The following POLK variants were observed in gnomAD, a reference collection of about 807,000 sequenced individuals.
The protein encoded by POLK is polymerase (DNA directed) kappa.
A neutral mutation model predicts 94.0 loss-of-function variants in POLK; 76 were observed. The observed-to-expected ratio is 0.81, with a 90% confidence interval of 0.67 to 0.98. The LOEUF is 0.98. Among genes scored for constraint, POLK ranks in the 50% least tolerant of loss-of-function variants. The pLI is 0.00. For synonymous variants in POLK, 349 were observed against 325.4 expected (o/e 1.07, Z -0.78); for missense variants, 954 against 1,010.1 (o/e 0.94, Z 0.75).
At chr5:75,578,878 A>T (rs2112808369) in intron 6 of POLK, among the ~76,000 whole-genome samples, 1 of 152,346 alleles carries the variant, frequency 6.6e-6, no homozygotes, top group African/African-American at 2.4e-5. Context: ...GCCAGATAAT[A>T]TAAGAAACTG....
upstream of POLK, chr5:75,511,724 C>A (rs752204859): frequency 1.2e-5 from 19 of 1,548,242 alleles, no homozygotes; most frequent in South Asian, 8.4e-5. Flanking sequence ...TGACGCGACA[C>A]GCCGAGCCTT....
intron 1 of POLK, among the ~76,000 whole-genome samples, chr5:75,545,589 G>A (rs1452934688): frequency 1.3e-5 from 2 of 151,990 alleles, no homozygotes; most frequent in Admixed American, 1.3e-4. Context: ...AAACTATAAA[G>A]TATATAAAGA....
At chr5:75,533,975 A>T (rs1057003138) in intron 1 of POLK, among the ~76,000 whole-genome samples, 3 of 152,060 alleles carry the variant, frequency 2.0e-5, no homozygotes, top group African/African-American at 7.2e-5. Context: ...CACATCAAGG[A>T]GCTTTTGGAG....
chr5:75,515,260 A>T (rs577905120), intron 1 of POLK, among the ~76,000 whole-genome samples: 1 of 152,334 alleles, frequency 6.6e-6, no homozygotes, highest in South Asian at 2.1e-4. Context: ...TGGTCATTTT[A>T]TGAATAGTCC....
chr5:75,587,161 G>T, intron 10 of POLK, 103 bp downstream of exon 10: 1 of 705,818 alleles, frequency 1.4e-6, no homozygotes, highest in Admixed American at 3.0e-5. Flanking sequence ...AAATCTATTT[G>T]CAAATTACTA....
chr5:75,578,517 A>G (rs1451721715), intron 6 of POLK, among the ~76,000 whole-genome samples: 2 of 152,198 alleles, frequency 1.3e-5, no homozygotes, highest in Admixed American at 6.5e-5. Context: ...TGAATTTTTA[A>G]TATCTATTGC....
chr5:75,511,106 G>A, upstream of POLK: 1 of 1,553,168 alleles, frequency 6.4e-7, no homozygotes, highest in Non-Finnish European at 8.7e-7. Flanking sequence ...ACCAGGGGTT[G>A]CTCACCTTAC....
chr5:75,516,832 T>C (rs922849468), intron 1 of POLK, among the ~76,000 whole-genome samples: 2 of 152,226 alleles, frequency 1.3e-5, no homozygotes, highest in African/African-American at 2.4e-5. Context: ...GGAAGAAATA[T>C]CTGAGAGATA....
exon 12 of POLK, chr5:75,594,018 T>C (rs756396022): frequency 6.2e-7 from 1 of 1,612,048 alleles, no homozygotes; most frequent in East Asian, 2.2e-5. Flanking sequence ...TTGATGCTGA[T>C]TTTCCACATC....
chr5:75,555,639 C>A (rs748916580), intron 3 of POLK, among the ~76,000 whole-genome samples: 35 of 151,924 alleles, frequency 2.3e-4, no homozygotes, highest in Admixed American at 4.6e-4. Context: ...CAACCTCCAC[C>A]TCCCGGGTTC....
At chr5:75,556,620 A>G (rs1770634528) in intron 3 of POLK, among the ~76,000 whole-genome samples, 1 of 151,898 alleles carries the variant, frequency 6.6e-6, no homozygotes, top group Non-Finnish European at 1.5e-5. Flanking sequence ...CTCTTATGTT[A>G]TCTTCTAGGA....
chr5:75,581,141 G>A lies in POLK; in HGVS notation c.695-68G>A, dbSNP rs567595050. The A allele has an allele frequency of 4.3e-4, 483 of 1,121,806 alleles. 8 individuals are homozygous for A. The South Asian group carries it at 6.5e-3, about 15-fold the overall frequency. The allele number at this position is 1,121,806 out of a possible 1,614,324, so 69.5% of individuals were successfully genotyped here. A position where few individuals can be genotyped will look rare whatever the true frequency, so the allele number is the denominator to read the frequency against. On this transcript the variant is annotated intron_variant, in intron 6 of 14. Transcript: ENST00000241436. ...GTTTTTGTCTTCAGAAATAATGTAG[G>A]GAAACCTAACTTATGAAGTATATAC... is the stretch of plus-strand genomic sequence containing the variant.
chr5:75,556,020 A>G (rs546414170), intron 3 of POLK, among the ~76,000 whole-genome samples: 1 of 152,356 alleles, frequency 6.6e-6, no homozygotes, highest in African/African-American at 2.4e-5. Flanking sequence ...TTAGGTAAAT[A>G]CTAAGGAGCG....
chr5:75,547,560 G>A (rs965507668), intron 2 of POLK, among the ~76,000 whole-genome samples: 1 of 151,964 alleles, frequency 6.6e-6, no homozygotes, highest in African/African-American at 2.4e-5. Flanking sequence ...CATCCAAAAA[G>A]TTTATGGATA....
chr5:75,564,731 G>GT (rs1332539631), intron 3 of POLK, among the ~76,000 whole-genome samples: 1 of 152,230 alleles, frequency 6.6e-6, no homozygotes, highest in Non-Finnish European at 1.5e-5. Context: ...GTTCTGGCTT[G>GT]TAGGGTTTCT....
chr5:75,559,469 T>C (rs1476419963), intron 3 of POLK, among the ~76,000 whole-genome samples: 2 of 151,950 alleles, frequency 1.3e-5, no homozygotes, highest in Non-Finnish European at 2.9e-5. Context: ...AATCAGTGCA[T>C]TTTGACCATT....
downstream of POLK, among the ~76,000 whole-genome samples, chr5:75,603,061 G>A (rs1455190561): frequency 1.3e-5 from 2 of 152,200 alleles, no homozygotes; most frequent in Non-Finnish European, 2.9e-5. Context: ...GTAGACAGTG[G>A]TTATAGGCAT....
At chr5:75,511,834 C>G (rs1561319621) in exon 1 of POLK, 1 of 1,550,482 alleles carries the variant, frequency 6.4e-7, no homozygotes, top group South Asian at 1.2e-5. Flanking sequence ...AGGGATGCAG[C>G]TGTGCTGCAT....
At chr5:75,582,147 C>G in intron 7 of POLK, 1 of 986,784 alleles carries the variant, frequency 1.0e-6, no homozygotes. Context: ...GAAATACTAA[C>G]TAGCAACATA....
Sources: allele counts gnomAD v4.1 joint callset (sites outside exome capture counted in the v4.1 genomes callset), GRCh38; gene constraint gnomAD v4.1.1; transcripts MANE v1.5; gene names NCBI Gene and HGNC (gene_info 2026-07-23, HGNC 2026-07-21).